IMMP2L: variants seen among roughly 807,000 people sequenced by gnomAD.
The protein encoded by IMMP2L is inner mitochondrial membrane peptidase subunit 2, also known as mitochondrial inner membrane protease subunit 2.
In IMMP2L, 18 loss-of-function variants were observed where a neutral mutation model predicts 19.3. That is an observed-to-expected ratio of 0.93 (90% CI 0.64 to 1.38). The LOEUF is 1.38. Ranked by LOEUF, IMMP2L falls within the 40% of genes most tolerant of loss-of-function variation. The probability of loss-of-function intolerance (pLI) is 0.00; values close to 1 mark genes in which losing one functional copy is unlikely to be tolerated. For synonymous variants in IMMP2L, 76 were observed against 73.0 expected (o/e 1.04, Z -0.21); for missense variants, 233 against 218.2 (o/e 1.07, Z -0.43).
At chr7:111,539,693 T>C (rs1284798444) in intron 1 of IMMP2L, among the ~76,000 whole-genome samples, 2 of 151,480 alleles carry the variant, frequency 1.3e-5, no homozygotes, top group African/African-American at 2.4e-5. Flanking sequence ...GTTCACTACA[T>C]TAAAATAAGA....
chr7:111,287,019 T>A (rs1820561571), intron 3 of IMMP2L, among the ~76,000 whole-genome samples: 1 of 152,192 alleles, frequency 6.6e-6, no homozygotes, highest in African/African-American at 2.4e-5. Context: ...AGAAGTGAGA[T>A]GACTTGCTCC....
chr7:111,212,126 A>G (rs980359674), intron 3 of IMMP2L, among the ~76,000 whole-genome samples: 1 of 152,012 alleles, frequency 6.6e-6, no homozygotes, highest in African/African-American at 2.4e-5. Context: ...CTTCATCTTG[A>G]TCTATTAAAC....
intron 5 of IMMP2L, among the ~76,000 whole-genome samples, chr7:110,756,129 C>T (rs757264720): frequency 1.3e-4 from 20 of 151,876 alleles, no homozygotes; most frequent in African/African-American, 2.4e-4. Context: ...AAATGATGAA[C>T]GCGTGAATTA....
At chr7:110,933,709 C>G (rs946366852) in intron 4 of IMMP2L, among the ~76,000 whole-genome samples, 1 of 152,020 alleles carries the variant, frequency 6.6e-6, no homozygotes, top group African/African-American at 2.4e-5. Flanking sequence ...CCTGTGGGCT[C>G]TAACTTTTTA....
chr7:111,358,045 T>C (rs1436769583), intron 3 of IMMP2L, among the ~76,000 whole-genome samples: 1 of 151,272 alleles, frequency 6.6e-6, no homozygotes, highest in Non-Finnish European at 1.5e-5. Flanking sequence ...CCAATCTTTG[T>C]ACTGGGCTGT....
At chr7:110,995,694 T>G (rs940562548) in intron 3 of IMMP2L, among the ~76,000 whole-genome samples, 1 of 152,050 alleles carries the variant, frequency 6.6e-6, no homozygotes, top group African/African-American at 2.4e-5. Flanking sequence ...GGCAGCATCA[T>G]AAGTAGCCAT....
chr7:111,087,493 A>G (rs1459623833), intron 3 of IMMP2L, among the ~76,000 whole-genome samples: 2 of 151,974 alleles, frequency 1.3e-5, no homozygotes, highest in African/African-American at 4.8e-5. Flanking sequence ...TAGAATAGCT[A>G]TAATTCAACT....
chr7:111,079,218 C>T (rs551462962), intron 3 of IMMP2L, among the ~76,000 whole-genome samples: 36 of 148,842 alleles, frequency 2.4e-4, no homozygotes, highest in African/African-American at 7.1e-4. Context: ...CCCGGGTTCA[C>T]GCCATTCTCC....
chr7:111,103,793 C>T (rs2129580779), intron 3 of IMMP2L, among the ~76,000 whole-genome samples: 1 of 151,640 alleles, frequency 6.6e-6, no homozygotes, highest in African/African-American at 2.4e-5. Context: ...TCACAACATT[C>T]CTTTCAAGTA....
intron 3 of IMMP2L, among the ~76,000 whole-genome samples, chr7:111,187,531 A>G (rs62466687): frequency 0.032 from 4,928 of 152,242 alleles, 127 homozygotes; most frequent in Non-Finnish European, 0.051. Flanking sequence ...GTCTGGCCTT[A>G]CTCATAGTAT....
At position 111,016,147 on chromosome 7, in the gene IMMP2L, G is replaced by A. The variant is rs570270249; in HGVS notation, c.240-52582C>T. 1.2e-4 allele frequency among the ~76,000 whole-genome samples: 18 copies of A among 151,824 alleles called. No homozygotes were observed. The South Asian group carries it at 3.5e-3, about 30-fold the overall frequency. ...AACAACTATATGTATCAGCCAGCTT[G>A]AGTAAGATGTTTTGACATCTTATCT... On this transcript the variant is annotated intron_variant, in intron 3 of 5. Transcript: ENST00000405709.
At chr7:110,961,115 A>G (rs1818886827) in intron 4 of IMMP2L, among the ~76,000 whole-genome samples, 1 of 151,938 alleles carries the variant, frequency 6.6e-6, no homozygotes, top group Non-Finnish European at 1.5e-5. Flanking sequence ...CCACTTTCTA[A>G]AATAGTTTGG....
intron 3 of IMMP2L, among the ~76,000 whole-genome samples, chr7:110,987,004 T>C (rs1039313162): frequency 1.3e-5 from 2 of 152,062 alleles, no homozygotes; most frequent in Non-Finnish European, 2.9e-5. Flanking sequence ...ACCGAAATAG[T>C]AAAAAATTCT....
At chr7:111,463,364 C>T (rs1840317250) in intron 3 of IMMP2L, among the ~76,000 whole-genome samples, 1 of 152,102 alleles carries the variant, frequency 6.6e-6, no homozygotes, top group African/African-American at 2.4e-5. Flanking sequence ...ATCTCTGTTG[C>T]CCTCTAAATC....
intron 3 of IMMP2L, among the ~76,000 whole-genome samples, chr7:111,169,574 G>T (rs918328822): frequency 2.0e-5 from 3 of 151,838 alleles, no homozygotes; most frequent in Non-Finnish European, 2.9e-5. Flanking sequence ...AATCTTTGGT[G>T]TTCCTTGGCT....
At chr7:111,221,298 A>G (rs1812484711) in intron 3 of IMMP2L, among the ~76,000 whole-genome samples, 1 of 152,130 alleles carries the variant, frequency 6.6e-6, no homozygotes, top group African/African-American at 2.4e-5. Context: ...AATAGTCAAT[A>G]TCACAAGACT....
intron 3 of IMMP2L, among the ~76,000 whole-genome samples, chr7:111,156,535 T>C (rs1804665264): frequency 3.3e-5 from 5 of 152,124 alleles, no homozygotes; most frequent in Admixed American, 2.0e-4. Flanking sequence ...TGGGATTACA[T>C]TAAATCTATA....
intron 4 of IMMP2L, among the ~76,000 whole-genome samples, chr7:110,913,965 T>C (rs138708299): frequency 6.6e-6 from 1 of 152,236 alleles, no homozygotes; most frequent in African/African-American, 2.4e-5. Flanking sequence ...TGCTAATAAT[T>C]TGGCAAACTT....
chr7:111,331,653 T>C (rs1442148267), intron 3 of IMMP2L, among the ~76,000 whole-genome samples: 1 of 151,870 alleles, frequency 6.6e-6, no homozygotes, highest in Non-Finnish European at 1.5e-5. Flanking sequence ...TCATGGATCA[T>C]ACATCACTTT....
Sources: gnomAD v4.1 joint callset for allele counts (sites outside exome capture counted in the v4.1 genomes callset) on GRCh38, gnomAD v4.1.1 for gene constraint, MANE v1.5 for transcripts, NCBI Gene and HGNC (gene_info 2026-07-23, HGNC 2026-07-21) for gene names.